The following CACNA1A variants were observed in gnomAD, a reference collection of about 807,000 sequenced individuals.
The protein encoded by CACNA1A is calcium voltage-gated channel subunit alpha1 A, also known as voltage-dependent P/Q-type calcium channel subunit alpha-1A.
In CACNA1A, 57 loss-of-function variants were observed where a neutral mutation model predicts 262.4. The observed-to-expected ratio is 0.22, with a 90% CI of 0.18 to 0.27. The LOEUF (loss-of-function observed/expected upper bound fraction) is 0.27, where lower values mean the gene tolerates loss of function less well. Among genes scored for constraint, CACNA1A ranks in the 10% least tolerant of loss-of-function variants. The probability of loss-of-function intolerance (pLI) is 1.00; values close to 1 mark genes in which losing one functional copy is unlikely to be tolerated. For synonymous variants in CACNA1A, 1,431 were observed against 1,419.3 expected (o/e 1.01, Z -0.18); for missense variants, 2,526 against 3,562.8 (o/e 0.71, Z 7.41).
intron 1 of CACNA1A, among the ~76,000 whole-genome samples, chr19:13,499,372 T>C (rs1982069636): frequency 7.2e-6 from 1 of 138,472 alleles, no homozygotes; most frequent in Non-Finnish European, 1.5e-5. Context: ...GAACGGAGAA[T>C]GCAAAATGTC....
chr19:13,325,401 C>G (rs1325692869), intron 10 of CACNA1A, among the ~76,000 whole-genome samples: 2 of 152,036 alleles, frequency 1.3e-5, no homozygotes, highest in African/African-American at 4.8e-5. Flanking sequence ...CTTGGCCTTC[C>G]AAAACATTGG....
intron 24 of CACNA1A, among the ~76,000 whole-genome samples, chr19:13,269,355 C>G (rs896014523): frequency 2.6e-5 from 4 of 152,238 alleles, no homozygotes; most frequent in Non-Finnish European, 5.9e-5. Flanking sequence ...AGGCACACAG[C>G]TGGGAAGACA....
At chr19:13,281,677 G>T (rs2057294568) in intron 22 of CACNA1A, among the ~76,000 whole-genome samples, 1 of 152,172 alleles carries the variant, frequency 6.6e-6, no homozygotes, top group Admixed American at 6.5e-5. Context: ...GAAGGCGGTG[G>T]GGGTGGGGGA....
Position 13,409,642 on chromosome 19 carries a change from C to T in CACNA1A, c.540-37863G>A, listed in dbSNP as rs1293049988. On this transcript the variant is annotated intron_variant, in intron 3 of 46. Coordinates refer to ENST00000360228, the MANE Select transcript of CACNA1A (RefSeq NM_001127222.2). ...CTCACTGCAACCTCCACCTTCAGGGCTCAAATGATCCTCCCGTTTTAGCCT... is the reference window on the plus strand; with the variant it reads ...CTCACTGCAACCTCCACCTTCAGGGTTCAAATGATCCTCCCGTTTTAGCCT... Among the ~76,000 whole-genome samples, 7 of 152,258 alleles carry T rather than the reference C, an allele frequency of 4.6e-5. No homozygotes were observed. The East Asian group carries it at 1.4e-3, about 29-fold the overall frequency.
At position 13,489,003 on chromosome 19, in the gene CACNA1A, C is replaced by CTTTTTTTTTTTTTT; in HGVS notation, c.293+16915_293+16928dup. Among the ~76,000 whole-genome samples, 65 of 75,222 alleles carry CTTTTTTTTTTTTTT rather than the reference C, an allele frequency of 8.6e-4. 10 individuals carry two copies. The highest frequency in any genetic ancestry group is 3.3e-3 in the African/African-American group (46 of 13,786). 49.3% of individuals were successfully genotyped at this position (75,222 alleles called of 152,430 possible). On this transcript the variant is annotated intron_variant, in intron 1 of 46. Transcript: ENST00000360228. ...TATTGTAATTAATTTCTTTTCTTTT[C>CTTTTTTTTTTTTTT]TTTTTTTTTTTTTTTTTTTTTTTTT...
At chr19:13,487,660 A>G (rs539132553) in intron 1 of CACNA1A, among the ~76,000 whole-genome samples, 2 of 95,578 alleles carry the variant, frequency 2.1e-5, no homozygotes, top group East Asian at 5.7e-4. Context: ...ATTTTATCTC[A>G]ATGTTTTAAA....
chr19:13,412,866 T>C (rs2060136253), intron 3 of CACNA1A, among the ~76,000 whole-genome samples: 1 of 152,218 alleles, frequency 6.6e-6, no homozygotes, highest in Non-Finnish European at 1.5e-5. Context: ...TTTAAAAAGA[T>C]TTGAAGACTA....
intron 1 of CACNA1A, among the ~76,000 whole-genome samples, chr19:13,473,376 C>A (rs1978292816): frequency 6.6e-6 from 1 of 152,208 alleles, no homozygotes; most frequent in Admixed American, 6.5e-5. Context: ...CCAATGTATG[C>A]TAACAACTAC....
intron 24 of CACNA1A, 59 bp from the exon 25 acceptor site, chr19:13,262,892 T>A: frequency 8.3e-7 from 1 of 1,204,648 alleles, no homozygotes; most frequent in Non-Finnish European, 1.2e-6. Flanking sequence ...TCAGGTTGGG[T>A]AGGGGGCAGC....
Position 13,236,792 on chromosome 19 carries a change from C to T in CACNA1A, c.4951-1062G>A, listed in dbSNP as rs910462407. Reference sequence around the variant, plus strand: ...ACCCCCTGTCTAGTCACTGCCTCTGCCTCCTCCCACCCAAGCTAGAAGAAC... The same window carrying T: ...ACCCCCTGTCTAGTCACTGCCTCTGTCTCCTCCCACCCAAGCTAGAAGAAC... On this transcript the variant is annotated intron_variant, in intron 31 of 46. Transcript: ENST00000360228. This position sits in a 1 kb window ranked among gnomAD's most constrained non-coding sequence, Gnocchi z 4.6. Among the ~76,000 whole-genome samples the T allele has an allele frequency of 5.3e-5, 8 of 152,044 alleles. No individual in the cohort carries two copies. Among genetic ancestry groups the T allele is most frequent in the African/African-American group, 1.9e-4 (8 of 41,390 alleles).
intron 1 of CACNA1A, among the ~76,000 whole-genome samples, chr19:13,468,111 A>G (rs2061286924): frequency 6.6e-6 from 1 of 152,194 alleles, no homozygotes. Flanking sequence ...AAAGTAAAAT[A>G]AAGATCCCTT....
At chr19:13,372,094 T>C (rs181540041) in intron 3 of CACNA1A, among the ~76,000 whole-genome samples, 60 of 151,900 alleles carry the variant, frequency 3.9e-4, no homozygotes, top group Non-Finnish European at 5.7e-4. Flanking sequence ...ACAATGACAA[T>C]AGATTGTGGG....
chr19:13,416,842 A>T (rs539575608), intron 3 of CACNA1A, among the ~76,000 whole-genome samples: 11 of 152,084 alleles, frequency 7.2e-5, no homozygotes, highest in African/African-American at 1.2e-4. Flanking sequence ...AAACAAATTT[A>T]AAAAATCCAA....
intron 9 of CACNA1A, 142 bp downstream of exon 9, chr19:13,332,727 G>A: frequency 2.0e-6 from 1 of 509,318 alleles, no homozygotes; most frequent in South Asian, 3.6e-5. Context: ...AACTCTGCAT[G>A]GAAGTCCTAA....
chr19:13,208,135 G>A, intron 46 of CACNA1A, 82 bp from the exon 47 acceptor site: 2 of 801,022 alleles, frequency 2.5e-6, no homozygotes, highest in Admixed American at 1.1e-4. Flanking sequence ...AGGAAGAGAG[G>A]GGAGCGAAGG....
At chr19:13,234,350 C>CAAAAAAAAAAAAAAAAAA (rs71168693) in intron 34 of CACNA1A, among the ~76,000 whole-genome samples, 1 of 71,244 alleles carries the variant, frequency 1.4e-5, no homozygotes, top group Non-Finnish European at 2.4e-5. Context: ...ACTCCATCTC[C>CAAAAAAAAAAAAAAAAAA]AAAAAAAAAA....
At chr19:13,228,063 G>A (rs1025271883) in intron 36 of CACNA1A, among the ~76,000 whole-genome samples, 6 of 151,948 alleles carry the variant, frequency 3.9e-5, no homozygotes, top group South Asian at 4.2e-4. Context: ...ACAGGCATGC[G>A]CCACAATGCC....
At position 13,283,327 on chromosome 19, in the gene CACNA1A, G is replaced by A. The variant is rs2057332004; in HGVS notation, c.3762C>T (p.Ala1254=). ...YFEMCILMVI[A]MSSIALAAED... is the part of the protein sequence containing the mutation. Reference sequence around the variant, plus strand: ...CGGCGGCCAGGGCGATGCTGCTCATGGCAATGACCATGAGGATGCACATCT... The same window carrying A: ...CGGCGGCCAGGGCGATGCTGCTCATAGCAATGACCATGAGGATGCACATCT... Residue 1254 remains alanine, a synonymous_variant, in exon 22 of 47, where the codon GCC becomes GCT. Transcript: ENST00000360228. 1.2e-6 allele frequency: 2 copies of A among 1,613,976 alleles called. No individual in the cohort carries two copies. Among genetic ancestry groups the A allele is most frequent in the East Asian group, 4.5e-5 (2 of 44,886 alleles).
chr19:13,253,417 A>G lies in CACNA1A; in HGVS notation c.4756-316T>C, dbSNP rs2056455869. Among the ~76,000 whole-genome samples the G allele has an allele frequency of 3.4e-5, 5 of 146,638 alleles. No individual in the cohort carries two copies. In the South Asian group the frequency reaches 1.1e-3, roughly 31 times the overall value. On this transcript the variant is annotated intron_variant, in intron 29 of 46. Coordinates refer to ENST00000360228, the MANE Select transcript of CACNA1A (RefSeq NM_001127222.2). ...CCTCCTGATAGTCGGGACTATAGGC[A>G]TACGCCATTGTGCTTGGCTGAATTA...
Sources: allele counts gnomAD v4.1 joint callset (sites outside exome capture counted in the v4.1 genomes callset), GRCh38; gene constraint gnomAD v4.1.1; non-coding constraint Gnocchi (gnomAD v3.1); transcripts MANE v1.5; gene names NCBI Gene and HGNC (gene_info 2026-07-23, HGNC 2026-07-21).